The following RNF220 variants were observed in gnomAD, a reference collection of about 807,000 sequenced individuals.
RNF220 encodes E3 ubiquitin-protein ligase RNF220.
A neutral mutation model predicts 67.1 loss-of-function variants in RNF220; 7 were observed. The ratio of observed to expected loss-of-function variants is 0.10; its 90% CI spans 0.06 to 0.20. The LOEUF (loss-of-function observed/expected upper bound fraction) is 0.20, where lower values mean the gene tolerates loss of function less well. Ranked by LOEUF, RNF220 falls within the 10% of genes least tolerant of loss-of-function variation. The probability of loss-of-function intolerance (pLI) is 1.00; values close to 1 mark genes in which losing one functional copy is unlikely to be tolerated. For missense variants in RNF220, 565 were observed against 740.3 expected (o/e 0.76, Z 2.75); for synonymous variants, 270 against 283.2 (o/e 0.95, Z 0.47).
rs368891059 is a variant in RNF220 at position 44,552,563 on chromosome 1, C to CTTTTTTTTTT, written c.626-61600_626-61599insTTTTTTTTTT. Among the ~76,000 whole-genome samples, 12 of 71,362 alleles carry CTTTTTTTTTT rather than the reference C, an allele frequency of 1.7e-4. 1 individual carries two copies. Among genetic ancestry groups the CTTTTTTTTTT allele is most frequent in the Non-Finnish European group, 3.2e-4 (12 of 38,060 alleles). 46.8% of individuals were successfully genotyped at this position (71,362 alleles called of 152,430 possible). Reference sequence around the variant, plus strand: ...AATGGCTCCCTGCTATTCTAAACTTCTTCTTTTTTTTTTTTTTTTTTTTTT... The same window carrying CTTTTTTTTTT: ...AATGGCTCCCTGCTATTCTAAACTTCTTTTTTTTTTTTCTTTTTTTTTTTTTTTTTTTTTT... On this transcript the variant is annotated intron_variant, in intron 2 of 14. Coordinates refer to ENST00000361799, the MANE Select transcript of RNF220 (RefSeq NM_018150.4).
At chr1:44,458,681 T>G (rs1346972365) in intron 2 of RNF220, among the ~76,000 whole-genome samples, 1 of 152,248 alleles carries the variant, frequency 6.6e-6, no homozygotes, top group Admixed American at 6.5e-5. Context: ...ACAACAGTTC[T>G]CTTTCTTTTC....
intron 2 of RNF220, among the ~76,000 whole-genome samples, chr1:44,491,877 T>G (rs1416917949): frequency 6.6e-6 from 1 of 152,170 alleles, no homozygotes; most frequent in Non-Finnish European, 1.5e-5. Context: ...TTGGCCAGGC[T>G]GGGCTTGAAC....
intron 2 of RNF220, among the ~76,000 whole-genome samples, chr1:44,458,227 A>G (rs1653397496): frequency 6.6e-6 from 1 of 152,096 alleles, no homozygotes; most frequent in African/African-American, 2.4e-5. Flanking sequence ...CCGTACTCCC[A>G]GCCTGAGCAG....
chr1:44,520,088 TG>T, intron 2 of RNF220, among the ~76,000 whole-genome samples: 1 of 97,674 alleles, frequency 1.0e-5, no homozygotes, highest in African/African-American at 4.3e-5. Flanking sequence ...TCCAGCATTG[TG>T]TGTGTGTGTG....
intron 9 of RNF220, 27 bp downstream of exon 9, chr1:44,644,821 G>C: frequency 6.3e-7 from 1 of 1,590,028 alleles, no homozygotes; most frequent in African/African-American, 1.3e-5. Flanking sequence ...ATGGGGGCTG[G>C]TGGGGCTGAT....
intron 3 of RNF220, among the ~76,000 whole-genome samples, chr1:44,620,596 C>T (rs1251081728): frequency 6.6e-6 from 1 of 152,242 alleles, no homozygotes; most frequent in Admixed American, 6.5e-5. Flanking sequence ...TGGCATGAAC[C>T]ATTTATGAGC....
chr1:44,624,134 C>A lies in RNF220; in HGVS notation c.804+1347C>A, dbSNP rs1643879733. 3.3e-5 allele frequency among the ~76,000 whole-genome samples: 5 copies of A among 152,226 alleles called. No homozygotes were observed. Reference sequence around the variant, plus strand: ...TGGGTATAGGCCTTGGCCAAGGAGTCAAAGCCCCAAAGAGAAAGGGGAGGC... The same window carrying A: ...TGGGTATAGGCCTTGGCCAAGGAGTAAAAGCCCCAAAGAGAAAGGGGAGGC... On this transcript the variant is annotated intron_variant, in intron 4 of 14. Transcript: ENST00000361799. The surrounding 1 kb of genome is among the most constrained non-coding windows in gnomAD (Gnocchi z 4.2).
Position 44,450,421 on chromosome 1 carries a change from C to G in RNF220, c.625+37699C>G, listed in dbSNP as rs1001675250. ...AAAGTAAAAGCTTCTTACTCCACCTCTTTAATCTTACTCCCTTCCACAAAC... is the reference window on the plus strand; with the variant it reads ...AAAGTAAAAGCTTCTTACTCCACCTGTTTAATCTTACTCCCTTCCACAAAC... On this transcript the variant is annotated intron_variant, in intron 2 of 14. Coordinates refer to ENST00000361799, the MANE Select transcript of RNF220 (RefSeq NM_018150.4). Among the ~76,000 whole-genome samples the G allele has an allele frequency of 2.0e-5, 3 of 152,116 alleles. No individual in the cohort carries two copies. The South Asian group carries it at 6.2e-4, about 31-fold the overall frequency.
chr1:44,584,477 C>T (rs1199246474), intron 2 of RNF220, among the ~76,000 whole-genome samples: 3 of 152,166 alleles, frequency 2.0e-5, no homozygotes, highest in African/African-American at 4.8e-5. Context: ...TTGATTTTCC[C>T]CTTTTATTGC....
intron 2 of RNF220, among the ~76,000 whole-genome samples, chr1:44,484,289 A>G (rs1187464163): frequency 6.6e-6 from 1 of 152,112 alleles, no homozygotes; most frequent in Non-Finnish European, 1.5e-5. Flanking sequence ...GGAGACTTTT[A>G]TTGGCCCAGG....
chr1:44,450,757 G>A (rs1049206529), intron 2 of RNF220, among the ~76,000 whole-genome samples: 2 of 152,094 alleles, frequency 1.3e-5, no homozygotes, highest in Non-Finnish European at 2.9e-5. Context: ...TTTCATAATT[G>A]CAATCAACGC....
chr1:44,477,092 A>G (rs1446913478), intron 2 of RNF220, among the ~76,000 whole-genome samples: 3 of 152,256 alleles, frequency 2.0e-5, no homozygotes, highest in African/African-American at 7.2e-5. Context: ...AAATTGAATT[A>G]CATTTTCTAA....
chr1:44,648,602 C>G (rs1644710490), intron 12 of RNF220: 1 of 152,208 alleles, frequency 6.6e-6, no homozygotes, highest in South Asian at 2.1e-4. Context: ...CCTTCAGGTG[C>G]AGGGCTTGGC....
chr1:44,510,967 A>G (rs1386931069), intron 2 of RNF220, among the ~76,000 whole-genome samples: 3 of 152,306 alleles, frequency 2.0e-5, no homozygotes, highest in South Asian at 2.1e-4. Context: ...TAGGCCCCCA[A>G]AATGGAGGCC....
chr1:44,636,633 G>A (rs1644340021), intron 8 of RNF220: 3 of 586,072 alleles, frequency 5.1e-6, no homozygotes, highest in Non-Finnish European at 9.2e-6. Context: ...AGGGAAATCA[G>A]TTACAGAGGA....
At chr1:44,646,041 AT>A (rs1644636508) in intron 12 of RNF220, among the ~76,000 whole-genome samples, 1 of 152,086 alleles carries the variant, frequency 6.6e-6, no homozygotes, top group Non-Finnish European at 1.5e-5. Flanking sequence ...TCAGCTGGGC[AT>A]CTTCCTGCCT....
chr1:44,419,136 G>C (rs890638998), intron 2 of RNF220, among the ~76,000 whole-genome samples: 4 of 152,194 alleles, frequency 2.6e-5, no homozygotes, highest in Non-Finnish European at 5.9e-5. Flanking sequence ...ATGAACTGCA[G>C]ACTTAAGGAT....
chr1:44,636,228 T>C, intron 8 of RNF220, 66 bp downstream of exon 8: 1 of 1,563,620 alleles, frequency 6.4e-7, no homozygotes, highest in Non-Finnish European at 8.7e-7. Context: ...ATCCATCTGC[T>C]GGAAGCCAAG....
At position 44,650,582 on chromosome 1, in the gene RNF220, G is replaced by T. The variant is rs1644765330; in HGVS notation, c.1630-122G>T. Reference sequence around the variant, plus strand: ...AAGCTGCCTATGCGTCCCCAGCCTGGGCTGACAGGACCAAGGTCTCAGCAC... The same window carrying T: ...AAGCTGCCTATGCGTCCCCAGCCTGTGCTGACAGGACCAAGGTCTCAGCAC... On this transcript the variant is annotated intron_variant, in intron 14 of 14. Transcript: ENST00000361799. This position sits in a 1 kb window ranked among gnomAD's most constrained non-coding sequence, Gnocchi z 4.3. The T allele has an allele frequency of 2.9e-6, 3 of 1,052,476 alleles. No homozygotes were observed. The South Asian group carries it at 4.0e-5, about 14-fold the overall frequency. The allele number at this position is 1,052,476 out of a possible 1,614,324, so 65.2% of individuals were successfully genotyped here.
Sources: gnomAD v4.1 joint callset for allele counts (sites outside exome capture counted in the v4.1 genomes callset) on GRCh38, gnomAD v4.1.1 for gene constraint, Gnocchi (gnomAD v3.1) non-coding constraint, MANE v1.5 for transcripts, NCBI Gene and HGNC (gene_info 2026-07-23, HGNC 2026-07-21) for gene names.